The following CRISPLD1 variants were observed in gnomAD, a reference collection of about 807,000 sequenced individuals.
The protein encoded by CRISPLD1 is cysteine rich secretory protein LCCL domain containing 1.
CRISPLD1 carries 60 observed loss-of-function variants against 77.5 expected under a neutral mutation model. That is an observed-to-expected ratio of 0.77 (90% CI 0.63 to 0.96). CRISPLD1 has a LOEUF of 0.96. Ranked by LOEUF, CRISPLD1 falls within the 40% of genes least tolerant of loss-of-function variation. The pLI, the probability that CRISPLD1 is intolerant of heterozygous loss-of-function variation, is 0.00. For synonymous variants in CRISPLD1, 195 were observed against 200.1 expected (o/e 0.97, Z 0.22); for missense variants, 623 against 615.8 (o/e 1.01, Z -0.12).
intron 6 of CRISPLD1, among the ~76,000 whole-genome samples, chr8:75,015,309 C>G (rs1481780884): frequency 2.0e-5 from 3 of 152,028 alleles, no homozygotes; most frequent in Non-Finnish European, 4.4e-5. Context: ...CAAAATACCC[C>G]TTTGTGTATC....
intron 10 of CRISPLD1, 138 bp downstream of exon 10, chr8:75,017,588 G>GAC: frequency 2.0e-5 from 15 of 757,496 alleles, no homozygotes; most frequent in Non-Finnish European, 2.0e-6. Context: ...TTAGCTTGTA[G>GAC]TTTTCTTAGA....
intron 2 of CRISPLD1, among the ~76,000 whole-genome samples, chr8:74,988,966 C>G (rs76044484): frequency 0.042 from 6,443 of 152,248 alleles, 413 homozygotes; most frequent in African/African-American, 0.14. Flanking sequence ...TTGTTCATGT[C>G]TGTAAGTAAT....
intron 14 of CRISPLD1, among the ~76,000 whole-genome samples, chr8:75,031,321 CAA>C (rs1414833557): frequency 2.0e-5 from 3 of 151,858 alleles, no homozygotes; most frequent in South Asian, 2.1e-4. Context: ...TATTGATCTC[CAA>C]AAGTCTTTTG....
chr8:75,019,989 T>C lies in CRISPLD1; in HGVS notation c.1172-18T>C. ...CTTTCAAAGGATTCACTCATTGTTTTGTGTTTTAATTCTTCAGTTCAGGCT... is the reference window on the plus strand; with the variant it reads ...CTTTCAAAGGATTCACTCATTGTTTCGTGTTTTAATTCTTCAGTTCAGGCT... On this transcript the variant is annotated intron_variant, in intron 11 of 14. Coordinates refer to ENST00000262207, the MANE Select transcript of CRISPLD1 (RefSeq NM_031461.6). 6.2e-7 allele frequency: 1 copy of C among 1,613,868 alleles called. No individual in the cohort carries two copies. The highest frequency in any genetic ancestry group is 1.3e-5 in the African/African-American group (1 of 75,068).
chr8:75,020,596 T>C (rs1813117151), intron 12 of CRISPLD1, among the ~76,000 whole-genome samples: 2 of 152,216 alleles, frequency 1.3e-5, no homozygotes, highest in Admixed American at 6.5e-5. Context: ...CCTACCCTTA[T>C]GACCTCATTT....
chr8:75,012,670 C>G, intron 3 of CRISPLD1, 119 bp downstream of exon 3: 1 of 838,002 alleles, frequency 1.2e-6, no homozygotes, highest in Non-Finnish European at 1.9e-6. Flanking sequence ...AATCACGAAA[C>G]AAGTAACAAA....
In CRISPLD1 at chr8:74,986,171, A is replaced by C. The variant is rs1252398070; in HGVS notation, c.184A>C (p.Met62Leu). Residue 62 changes from methionine to leucine, a missense_variant, in exon 2 of 15, where the codon ATG (methionine) becomes CTG (leucine). Coordinates refer to ENST00000262207, the MANE Select transcript of CRISPLD1 (RefSeq NM_031461.6). Reference sequence around the variant, plus strand: ...GAAAAGGGCCATCACAGACAATGACATGCAGAGTATTTTGGACCTTCATAA... The same window carrying C: ...GAAAAGGGCCATCACAGACAATGACCTGCAGAGTATTTTGGACCTTCATAA... Reference protein sequence around the residue: ...RGKRAITDNDMQSILDLHNKL... With the variant: ...RGKRAITDNDLQSILDLHNKL... 6.2e-7 allele frequency: 1 copy of C among 1,614,030 alleles called. No individual in the cohort carries two copies. The highest frequency in any genetic ancestry group is 1.3e-5 in the African/African-American group (1 of 74,922).
rs1043035272 is a variant in CRISPLD1 at position 75,034,083 on chromosome 8, C to G, written c.*1841C>G. ...ACCTTCAGCTGGAGCCTGTGTCTTT[C>G]TCCATTCCTTTTTAATACATTCGTA... On this transcript the variant is annotated 3_prime_UTR_variant, in exon 15 of 15. Coordinates refer to ENST00000262207, the MANE Select transcript of CRISPLD1 (RefSeq NM_031461.6). 6.6e-5 allele frequency: 10 copies of G among 152,068 alleles called. No homozygotes were observed. The highest frequency in any genetic ancestry group is 2.6e-4 in the Admixed American group (4 of 15,264). The allele number at this position is 152,068 out of a possible 1,614,324, so 9.4% of individuals were successfully genotyped here.
intron 12 of CRISPLD1, 62 bp downstream of exon 12, chr8:75,020,141 G>A: frequency 7.5e-7 from 1 of 1,327,602 alleles, no homozygotes; most frequent in Non-Finnish European, 1.1e-6. Flanking sequence ...CTGAAATTCT[G>A]ATGTCTCTGG....
chr8:75,022,100 A>G (rs920319759), intron 12 of CRISPLD1, among the ~76,000 whole-genome samples: 5 of 152,232 alleles, frequency 3.3e-5, no homozygotes, highest in African/African-American at 1.2e-4. Flanking sequence ...CTTGTTTCAG[A>G]AAGCAAAACA....
chr8:75,024,923 A>G (rs1172263816), intron 12 of CRISPLD1, among the ~76,000 whole-genome samples: 2 of 152,136 alleles, frequency 1.3e-5, no homozygotes, highest in Non-Finnish European at 2.9e-5. Context: ...ATTTATTGCA[A>G]TGGGAAGCCT....
At position 75,016,696 on chromosome 8, in the gene CRISPLD1, C is replaced by G; in HGVS notation, c.859C>G (p.Gln287Glu). Residue 287 changes from glutamine to glutamate, a missense_variant, in exon 7 of 15, where the codon CAG (glutamine) becomes GAG (glutamate). By Grantham distance (29) the Gln-to-Glu change is conservative (BLOSUM62 2). Coordinates refer to ENST00000262207, the MANE Select transcript of CRISPLD1 (RefSeq NM_031461.6). ...TAGCAGAAATGAAGTCATAAGCGCA[C>G]AGCAAATGTGTAAGACCTCCATATT... ...DSSRNEVISA[Q>E]QMSQIVSCEV... 6.2e-7 allele frequency: 1 copy of G among 1,612,036 alleles called. No homozygotes were observed. The highest frequency in any genetic ancestry group is 8.5e-7 in the Non-Finnish European group (1 of 1,178,948).
rs1021095963 is a variant in CRISPLD1, at chr8:75,001,144, CAT to C, written c.259-11287_259-11286del. Among the ~76,000 whole-genome samples the C allele has an allele frequency of 3.7e-4, 57 of 152,006 alleles. No individual in the cohort carries two copies. In the South Asian group the frequency reaches 4.4e-3, roughly 12 times the overall value. On this transcript the variant is annotated intron_variant, in intron 2 of 14. Coordinates refer to ENST00000262207, the MANE Select transcript of CRISPLD1 (RefSeq NM_031461.6). ...GTAAAACAATTTTGTGTATTTTAAACATAAATTATTTTATGCAAAACAATTTT... is the reference window on the plus strand; with the variant it reads ...GTAAAACAATTTTGTGTATTTTAAACAAATTATTTTATGCAAAACAATTTT...
intron 2 of CRISPLD1, among the ~76,000 whole-genome samples, chr8:75,007,820 C>T (rs904628641): frequency 8.6e-5 from 13 of 151,564 alleles, no homozygotes; most frequent in African/African-American, 2.9e-4. Flanking sequence ...ACTACAGGCA[C>T]GTGACACCGT....
At chr8:75,005,694 AT>A (rs1812816808) in intron 2 of CRISPLD1, among the ~76,000 whole-genome samples, 1 of 152,148 alleles carries the variant, frequency 6.6e-6, no homozygotes, top group African/African-American at 2.4e-5. Context: ...AAGCATGCAC[AT>A]TTATGTGTCT....
intron 3 of CRISPLD1, 103 bp downstream of exon 3, chr8:75,012,654 A>AC: frequency 1.1e-6 from 1 of 889,098 alleles, no homozygotes; most frequent in Non-Finnish European, 1.8e-6. Context: ...TGCCTGAAAG[A>AC]AAAGTAATCA....
chr8:74,988,097 G>A (rs1446881906), intron 2 of CRISPLD1, among the ~76,000 whole-genome samples: 5 of 152,156 alleles, frequency 3.3e-5, no homozygotes, highest in Admixed American at 3.3e-4. Flanking sequence ...TAACTGGGCT[G>A]CAGAGAAGTG....
intron 2 of CRISPLD1, among the ~76,000 whole-genome samples, chr8:74,987,890 G>A (rs1027362010): frequency 3.9e-5 from 6 of 152,138 alleles, no homozygotes; most frequent in East Asian, 1.9e-4. Context: ...TCTGTGATTC[G>A]TTTTCATGTC....
Position 75,032,423 on chromosome 8 carries a change from G to T in CRISPLD1, c.*181G>T. On this transcript the variant is annotated 3_prime_UTR_variant, in exon 15 of 15. Coordinates refer to ENST00000262207, the MANE Select transcript of CRISPLD1 (RefSeq NM_031461.6). ...AATAAAACATGGGACATTAGCTTTG[G>T]GAAAAGTAATGAAAATATAATGGTT... 4.8e-6 allele frequency: 2 copies of T among 420,976 alleles called. No individual in the cohort carries two copies. The highest frequency in any genetic ancestry group is 8.6e-6 in the Non-Finnish European group (2 of 232,218). 26.1% of individuals were successfully genotyped at this position (420,976 alleles called of 1,614,324 possible).
Sources: gnomAD v4.1 joint callset for allele counts (sites outside exome capture counted in the v4.1 genomes callset) on GRCh38, gnomAD v4.1.1 for gene constraint, MANE v1.5 for transcripts, NCBI Gene and HGNC (gene_info 2026-07-23, HGNC 2026-07-21) for gene names.